OSGEPL1: variants seen among roughly 807,000 people sequenced by gnomAD.
The protein encoded by OSGEPL1 is tRNA N6-adenosine threonylcarbamoyltransferase, mitochondrial.
A neutral mutation model predicts 37.2 loss-of-function variants in OSGEPL1; 26 were observed. That is an observed-to-expected ratio of 0.70 (90% CI 0.51 to 0.97). The LOEUF is 0.97. Among genes scored for constraint, OSGEPL1 ranks in the 50% least tolerant of loss-of-function variants. OSGEPL1 has a pLI of 0.00. For synonymous variants in OSGEPL1, 140 were observed against 159.9 expected (o/e 0.88, Z 0.94); for missense variants, 404 against 487.0 (o/e 0.83, Z 1.60).
chr2:189,746,801 A>G lies in OSGEPL1; in HGVS notation c.*396T>C. ...CTACAGGAATTTAGTGTCAGGTCAG[A>G]GTTATGGTTTCAAAAAATTAGGATT... On this transcript the variant is annotated 3_prime_UTR_variant, in exon 9 of 9. Transcript: ENST00000264151. 1 of 689,830 alleles carries G rather than the reference A, an allele frequency of 1.4e-6. No homozygotes were observed. The highest frequency in any genetic ancestry group is 2.2e-6 in the Non-Finnish European group (1 of 464,012). The allele number at this position is 689,830 out of a possible 1,614,324, so 42.7% of individuals were successfully genotyped here. A position where few individuals can be genotyped will look rare whatever the true frequency, so the allele number is the denominator to read the frequency against.
At chr2:189,748,643 G>T (rs1440246115) in intron 8 of OSGEPL1, among the ~76,000 whole-genome samples, 2 of 152,150 alleles carry the variant, frequency 1.3e-5, no homozygotes, top group African/African-American at 4.8e-5. Flanking sequence ...GAGGGAAATG[G>T]TCTATTTTAT....
chr2:189,762,898 C>G (rs139986986), upstream of OSGEPL1: 24 of 985,356 alleles, frequency 2.4e-5, no homozygotes, highest in African/African-American at 3.8e-4. Flanking sequence ...CCAAAACGCT[C>G]TCTGTGCGCA....
intron 1 of OSGEPL1, 142 bp from the exon 2 acceptor site, chr2:189,761,802 AAAT>A: frequency 5.2e-6 from 4 of 771,724 alleles, no homozygotes; most frequent in South Asian, 2.8e-5. Context: ...ATGGGAATAT[AAAT>A]AATATTATGA....
intron 1 of OSGEPL1, 23 bp downstream of exon 1, chr2:189,762,662 G>A: frequency 1.0e-6 from 1 of 985,468 alleles, no homozygotes; most frequent in Non-Finnish European, 1.2e-6. Flanking sequence ...TCAGTGGGGT[G>A]AAGAGTGAGC....
chr2:189,751,075 T>C (rs1041733244), intron 7 of OSGEPL1, among the ~76,000 whole-genome samples: 1 of 152,228 alleles, frequency 6.6e-6, no homozygotes, highest in African/African-American at 2.4e-5. Flanking sequence ...CTCTGAAGTT[T>C]CAAAAGCTGC....
In OSGEPL1 at chr2:189,762,684, C is replaced by G; in HGVS notation, c.-21+1G>C. 1.0e-6 allele frequency: 1 copy of G among 985,404 alleles called. No homozygotes were observed. Among genetic ancestry groups the G allele is most frequent in the South Asian group, 4.7e-5 (1 of 21,286 alleles). The allele number at this position is 985,404 out of a possible 1,614,324, so 61.0% of individuals were successfully genotyped here. On this transcript the variant is annotated splice_donor_variant, in intron 1 of 8. Transcript: ENST00000264151. LOFTEE classifies it low-confidence loss of function (5UTR_SPLICE). ...GGTGAAGAGTGAGCAATTTCACCCA[C>G]CTTCCACTTGGGCGGCAGTAGCTAG...
intron 5 of OSGEPL1, among the ~76,000 whole-genome samples, chr2:189,753,612 A>AT (rs1297909206): frequency 2.0e-5 from 3 of 152,182 alleles, no homozygotes; most frequent in Admixed American, 2.0e-4. Flanking sequence ...AAATCCACCT[A>AT]TTTTTCTAAA....
intron 5 of OSGEPL1, among the ~76,000 whole-genome samples, chr2:189,753,648 ACTTT>A (rs927781556): frequency 3.3e-5 from 5 of 152,300 alleles, no homozygotes; most frequent in African/African-American, 7.2e-5. Context: ...TACTGCATTT[ACTTT>A]CTTTATTGTA....
In OSGEPL1 at chr2:189,755,557, T is replaced by G. The variant is rs763075595; in HGVS notation, c.225A>C (p.Thr75=). Residue 75 remains threonine (T), a synonymous_variant, in exon 3 of 9, where the codon ACA becomes ACC. Transcript: ENST00000264151. ...GAGCTGCTGGAGGAACAATCCCACC[T>G]GTTCTGAAAGAAAGAAAGACAGCAT... ...IHSQTEVHLK[T]GGIVPPAAQQ... is the part of the protein sequence containing the mutation. 1 of 1,578,894 alleles carries G rather than the reference T, an allele frequency of 6.3e-7. No individual in the cohort carries two copies. Among genetic ancestry groups the G allele is most frequent in the African/African-American group, 1.4e-5 (1 of 72,524 alleles).
At chr2:189,760,384 G>A (rs1192455880) in intron 2 of OSGEPL1, among the ~76,000 whole-genome samples, 4 of 152,044 alleles carry the variant, frequency 2.6e-5, no homozygotes, top group Admixed American at 6.6e-5. Flanking sequence ...GGGCAGAGGC[G>A]CCCCCACCTC....
chr2:189,758,316 G>T lies in OSGEPL1; in HGVS notation c.222-2756C>A, dbSNP rs184282159. Among the ~76,000 whole-genome samples the T allele has an allele frequency of 6.6e-5, 10 of 152,204 alleles. No homozygotes were observed. The East Asian group carries it at 1.9e-3, about 29-fold the overall frequency. ...GAATCGCTTGAACCCGGGAGGCGGAGGTTGTGATGAGCCAAGATTGCACCA... is the reference window on the plus strand; with the variant it reads ...GAATCGCTTGAACCCGGGAGGCGGATGTTGTGATGAGCCAAGATTGCACCA... On this transcript the variant is annotated intron_variant, in intron 2 of 8. Coordinates refer to ENST00000264151, the MANE Select transcript of OSGEPL1 (RefSeq NM_022353.3).
chr2:189,756,884 C>G (rs2046169074), intron 2 of OSGEPL1, among the ~76,000 whole-genome samples: 1 of 152,120 alleles, frequency 6.6e-6, no homozygotes, highest in Non-Finnish European at 1.5e-5. Flanking sequence ...TACTCAAAAC[C>G]TTTAGTTTCA....
At chr2:189,750,762 A>AT in intron 7 of OSGEPL1, 106 bp from the exon 8 acceptor site, 4 of 761,752 alleles carry the variant, frequency 5.3e-6, no homozygotes, top group Non-Finnish European at 8.1e-6. Context: ...TCAAATATTT[A>AT]ATTCATCATA....
At chr2:189,754,832 G>A (rs2045853280) in intron 3 of OSGEPL1, 1 of 280,336 alleles carries the variant, frequency 3.6e-6, no homozygotes, top group Admixed American at 5.1e-5. Context: ...ATGTCCTTAT[G>A]TTAATCTATA....
chr2:189,752,883 T>C lies in OSGEPL1; in HGVS notation c.1060A>G (p.Arg354Gly). The change falls in exon 6 of 9, where the codon AGA becomes GGA. Residue 354 changes from arginine to glycine, a missense_variant. Coordinates refer to ENST00000264151, the MANE Select transcript of OSGEPL1 (RefSeq NM_022353.3). ...TQCTLLCPPP[R>G]LCTDNGIMIA... ...ATAATGCCATTATCAGTGCATAGTC[T>C]GGGAGGAGGACACAACAAAGTGCAC... 1.2e-6 allele frequency: 2 copies of C among 1,613,906 alleles called. No individual in the cohort carries two copies. The highest frequency in any genetic ancestry group is 1.7e-6 in the Non-Finnish European group (2 of 1,179,850).
chr2:189,747,424 T>C (rs1021682101), intron 8 of OSGEPL1: 5 of 151,964 alleles, frequency 3.3e-5, no homozygotes, highest in Admixed American at 6.6e-5. Flanking sequence ...AAAAATTTTT[T>C]AAAAGGGAAA....
chr2:189,751,664 C>T (rs1008083318), intron 7 of OSGEPL1, among the ~76,000 whole-genome samples: 3 of 150,800 alleles, frequency 2.0e-5, no homozygotes, highest in Admixed American at 2.0e-4. Context: ...AGGCTGGTCT[C>T]GAACTCCTAA....
intron 8 of OSGEPL1, among the ~76,000 whole-genome samples, chr2:189,749,236 A>C (rs1316914612): frequency 1.9e-5 from 2 of 103,944 alleles, no homozygotes; most frequent in Non-Finnish European, 3.8e-5. Context: ...ACAGAGCGAG[A>C]CTCTGTCTAA....
Position 189,761,604 on chromosome 2 carries a change from T to TA in OSGEPL1, c.36dup (p.Lys13Ter), listed in dbSNP as rs750679212. 1.8e-5 allele frequency: 29 copies of TA among 1,605,272 alleles called. No homozygotes were observed. Among genetic ancestry groups the TA allele is most frequent in the Middle Eastern group, 1.9e-4 (1 of 5,192 alleles). On this transcript the variant is annotated frameshift_variant, in exon 2 of 9. Coordinates refer to ENST00000264151, the MANE Select transcript of OSGEPL1 (RefSeq NM_022353.3). LOFTEE classifies it high-confidence loss of function. Reference sequence around the variant, plus strand: ...TCATAAACTTTCCTTTTTGATGGTTTAAAAAAAACTCCTGCAGTCTTAGTC... The same window carrying TA: ...TCATAAACTTTCCTTTTTGATGGTTTAAAAAAAAACTCCTGCAGTCTTAGTC...
Sources: gnomAD v4.1 joint callset for allele counts (sites outside exome capture counted in the v4.1 genomes callset) on GRCh38, gnomAD v4.1.1 for gene constraint, MANE v1.5 for transcripts, NCBI Gene and HGNC (gene_info 2026-07-23, HGNC 2026-07-21) for gene names.